Variants in OSBPL9 observed in about 807,000 individuals in gnomAD.
OSBPL9 encodes the protein oxysterol-binding protein-related protein 9.
Under a neutral mutation model 106.6 loss-of-function variants are expected in OSBPL9, and 40 were observed. The observed-to-expected ratio is 0.38, with a 90% CI of 0.29 to 0.49. The LOEUF is 0.49. Ranked by LOEUF, OSBPL9 falls within the 20% of genes least tolerant of loss-of-function variation. The pLI is 0.97. For synonymous variants in OSBPL9, 269 were observed against 295.4 expected (o/e 0.91, Z 0.92); for missense variants, 609 against 887.2 (o/e 0.69, Z 3.98).
chr1:51,556,956 A>AG, the OSBPL9 span, among the ~76,000 whole-genome samples: 12,576 of 151,800 alleles, frequency 0.083, 610 homozygotes, highest in African/African-American at 0.11. Context: ...CAACTAAAAG[A>AG]TGTAATGGGA....
intron 1 of OSBPL9, among the ~76,000 whole-genome samples, chr1:51,626,290 A>G (rs936672530): frequency 6.6e-6 from 1 of 152,200 alleles, no homozygotes; most frequent in Non-Finnish European, 1.5e-5. Context: ...TCCCTATCAT[A>G]GAAGAGGTAA....
chr1:51,785,887 G>A lies in OSBPL9; in HGVS notation c.1908+1G>A. 1 of 1,609,400 alleles carries A rather than the reference G, an allele frequency of 6.2e-7. No individual in the cohort carries two copies. Among genetic ancestry groups the A allele is most frequent in the East Asian group, 2.2e-5 (1 of 44,764 alleles). On this transcript the variant is annotated splice_donor_variant, in intron 21 of 23. Transcript: ENST00000428468. LOFTEE classifies it high-confidence loss of function. ...GATGTATGCAAAATATGCAACAGGGGTAAGATCCTCTATTTTGCCACTTGT... is the reference window on the plus strand; with the variant it reads ...GATGTATGCAAAATATGCAACAGGGATAAGATCCTCTATTTTGCCACTTGT...
At chr1:51,668,478 CG>C (rs1557664398) in intron 2 of OSBPL9, among the ~76,000 whole-genome samples, 2 of 151,918 alleles carry the variant, frequency 1.3e-5, no homozygotes, top group Non-Finnish European at 2.9e-5. Flanking sequence ...AAAAGTTAGC[CG>C]GGTGTGGTGG....
At chr1:51,649,180 C>T (rs1031622003) in intron 1 of OSBPL9, among the ~76,000 whole-genome samples, 3 of 152,138 alleles carry the variant, frequency 2.0e-5, no homozygotes, top group Admixed American at 6.5e-5. Flanking sequence ...CATCTCTGCT[C>T]ACTGCAACCT....
At chr1:51,686,471 C>G (rs1653832518) in intron 3 of OSBPL9, among the ~76,000 whole-genome samples, 1 of 152,186 alleles carries the variant, frequency 6.6e-6, no homozygotes, top group African/African-American at 2.4e-5. Flanking sequence ...CACTGCTGTT[C>G]TCTCTCCTAA....
At chr1:51,716,596 G>A (rs371393648) in intron 4 of OSBPL9, among the ~76,000 whole-genome samples, 38 of 152,312 alleles carry the variant, frequency 2.5e-4, no homozygotes, top group African/African-American at 8.9e-4. Context: ...CTCTGCCAGT[G>A]CCTGGTATTC....
intron 15 of OSBPL9, among the ~76,000 whole-genome samples, chr1:51,779,641 CT>C (rs1675853399): frequency 6.6e-6 from 1 of 151,982 alleles, no homozygotes; most frequent in Non-Finnish European, 1.5e-5. Context: ...AACTATGCAT[CT>C]GGCAAAGGAC....
At chr1:51,603,830 A>G (rs1193580647) in intron 2 of OSBPL9, among the ~76,000 whole-genome samples, 1 of 152,162 alleles carries the variant, frequency 6.6e-6, no homozygotes, top group South Asian at 2.1e-4. Context: ...AAACCCGGGT[A>G]GGAGTTGGGT....
chr1:51,711,504 G>T (rs1659888133), intron 3 of OSBPL9, among the ~76,000 whole-genome samples: 2 of 134,126 alleles, frequency 1.5e-5, no homozygotes, highest in East Asian at 2.2e-4. Context: ...GGCTGGCCGG[G>T]CGGGGGGCTG....
At position 51,729,936 on chromosome 1, in the gene OSBPL9, T is replaced by A. The variant is rs770460323; in HGVS notation, c.319-15600T>A. 1.5e-6 allele frequency: 2 copies of A among 1,309,072 alleles called. No individual in the cohort carries two copies. The highest frequency in any genetic ancestry group is 2.0e-6 in the Non-Finnish European group (2 of 1,020,772). 81.1% of individuals were successfully genotyped at this position (1,309,072 alleles called of 1,614,324 possible). A position where few individuals can be genotyped will look rare whatever the true frequency, so the allele number is the denominator to read the frequency against. On this transcript the variant is annotated intron_variant, in intron 4 of 23. Transcript: ENST00000428468. This position sits in a 1 kb window ranked among gnomAD's most constrained non-coding sequence, Gnocchi z 5.1. ...GGGGTGCTCGGGAGCAGCCCCCGGC[T>A]ACCTCCCCTGGAGGCACAGAGGGCG...
chr1:51,783,873 C>T, intron 17 of OSBPL9, 42 bp from the exon 18 acceptor site: 1 of 1,397,832 alleles, frequency 7.2e-7, no homozygotes, highest in Non-Finnish European at 1.0e-6. Flanking sequence ...GGAGAGGTGG[C>T]TGTAGGTATA....
chr1:51,521,865 C>G, the OSBPL9 span, among the ~76,000 whole-genome samples: 1 of 152,148 alleles, frequency 6.6e-6, no homozygotes, highest in East Asian at 1.9e-4. Context: ...TCAAGCGATT[C>G]TTGTGCCTCA....
chr1:51,685,655 C>T (rs2148813784), intron 3 of OSBPL9, among the ~76,000 whole-genome samples: 1 of 152,280 alleles, frequency 6.6e-6, no homozygotes, highest in East Asian at 1.9e-4. Flanking sequence ...GCCTTGGCCT[C>T]CCAAAGTGCC....
At chr1:51,681,194 A>G (rs994659158) in intron 3 of OSBPL9, among the ~76,000 whole-genome samples, 6 of 152,220 alleles carry the variant, frequency 3.9e-5, no homozygotes, top group African/African-American at 1.4e-4. Context: ...ATTAAGATAT[A>G]TAGACAAAAG....
chr1:51,573,726 A>G (rs1268450663), upstream of OSBPL9, among the ~76,000 whole-genome samples: 1 of 151,102 alleles, frequency 6.6e-6, no homozygotes, highest in Non-Finnish European at 1.5e-5. Context: ...AGGCAGGAGA[A>G]TCGCTTGAAC....
intron 3 of OSBPL9, among the ~76,000 whole-genome samples, chr1:51,713,179 G>A (rs1453853941): frequency 1.3e-5 from 2 of 151,636 alleles, no homozygotes; most frequent in African/African-American, 2.4e-5. Flanking sequence ...AGACAGAGTC[G>A]CCCTCTGTTG....
intron 3 of OSBPL9, among the ~76,000 whole-genome samples, chr1:51,684,910 C>CTTTTTTT (rs756783433): frequency 7.1e-6 from 1 of 140,578 alleles, no homozygotes; most frequent in Non-Finnish European, 1.5e-5. Flanking sequence ...CACTGCTCTT[C>CTTTTTTT]TTCTTTTTTT....
chr1:51,560,477 C>G, the OSBPL9 span, among the ~76,000 whole-genome samples: 1 of 152,178 alleles, frequency 6.6e-6, no homozygotes, highest in Non-Finnish European at 1.5e-5. Context: ...AGCACTCACC[C>G]CAGGCCAGTG....
the OSBPL9 span, chr1:51,565,687 C>T: frequency 1.3e-5 from 2 of 152,126 alleles, no homozygotes; most frequent in Non-Finnish European, 2.9e-5. Context: ...AAAGGTGGTG[C>T]TCCAACCCAT....
Sources: allele counts gnomAD v4.1 joint callset (sites outside exome capture counted in the v4.1 genomes callset), GRCh38; gene constraint gnomAD v4.1.1; non-coding constraint Gnocchi (gnomAD v3.1); transcripts MANE v1.5; gene names NCBI Gene and HGNC (gene_info 2026-07-23, HGNC 2026-07-21).